Variants in ITPR1 observed in about 807,000 individuals in gnomAD.
ITPR1 encodes the protein inositol 1,4,5-trisphosphate receptor type 1.
A neutral mutation model predicts 318.4 loss-of-function variants in ITPR1; 96 were observed. The ratio of observed to expected loss-of-function variants is 0.30; its 90% CI spans 0.26 to 0.36. The LOEUF (loss-of-function observed/expected upper bound fraction) is 0.36. ITPR1 is among the 10% of genes least tolerant of loss of function. The pLI is 1.00. For missense variants in ITPR1, 2,440 were observed against 3,460.2 expected, an observed-to-expected ratio of 0.71 and a Z score of 7.40; for synonymous variants, 1,312 against 1,289.9, an observed-to-expected ratio of 1.02 and a Z score of -0.37.
rs986807240 is a variant in ITPR1 at position 4,779,921 on chromosome 3, C to A, written c.6387+276C>A. On this transcript the variant is annotated intron_variant, in intron 49 of 61. Coordinates refer to ENST00000649015, the MANE Select transcript of ITPR1 (RefSeq NM_001378452.1). The surrounding 1 kb of genome is among the most constrained non-coding windows in gnomAD (Gnocchi z 4.0). Reference sequence around the variant, plus strand: ...AAAACCGCGATTACTTTTGCACCAACCTATATGACATTGAATACGTGCTGT... The same window carrying A: ...AAAACCGCGATTACTTTTGCACCAAACTATATGACATTGAATACGTGCTGT... Among the ~76,000 whole-genome samples the A allele has an allele frequency of 1.3e-5, 2 of 151,438 alleles. No homozygotes were observed. Among genetic ancestry groups the A allele is most frequent in the African/African-American group, 4.9e-5 (2 of 41,218 alleles).
intron 7 of ITPR1, 81 bp from the exon 8 acceptor site, chr3:4,644,055 A>T: frequency 1.2e-6 from 1 of 860,130 alleles, no homozygotes; most frequent in Non-Finnish European, 1.9e-6. Flanking sequence ...ACAGACTCAT[A>T]TGTCTTCTAG....
chr3:4,622,109 CTTTT>C (rs894926425), intron 4 of ITPR1, among the ~76,000 whole-genome samples: 2 of 105,828 alleles, frequency 1.9e-5, no homozygotes, highest in African/African-American at 3.8e-5. Flanking sequence ...ACATAGTAGA[CTTTT>C]TTTTTTTTTT....
chr3:4,637,574 G>A (rs142811206), intron 5 of ITPR1, among the ~76,000 whole-genome samples: 1 of 152,342 alleles, frequency 6.6e-6, no homozygotes, highest in Non-Finnish European at 1.5e-5. Flanking sequence ...TTTTATCCTT[G>A]TGTCACTGAG....
intron 24 of ITPR1, 27 bp downstream of exon 24, chr3:4,676,828 G>A (rs1299793208): frequency 6.3e-7 from 1 of 1,578,144 alleles, no homozygotes; most frequent in Admixed American, 1.7e-5. Flanking sequence ...GCTGGGGTAG[G>A]GAGGGTATGT....
In ITPR1 at chr3:4,806,226, G is replaced by A; in HGVS notation, c.7231G>A (p.Ala2411Thr). 6.2e-7 allele frequency: 1 copy of A among 1,614,036 alleles called. No homozygotes were observed. Among genetic ancestry groups the A allele is most frequent in the Admixed American group, 1.7e-5 (1 of 60,030 alleles). Reference sequence around the variant, plus strand: ...TCATTTGTTGTATCTGGTGATCTGTGCCATGGGGCTCTTTGTCCATGAATT... The same window carrying A: ...TCATTTGTTGTATCTGGTGATCTGTACCATGGGGCTCTTTGTCCATGAATT... ...LYHLLYLVIC[A>T]MGLFVHEFFY... The change falls in exon 55 of 62, where the codon GCC (alanine) becomes ACC (threonine). Residue 2411 changes from alanine (A) to threonine (T), a missense_variant. Ala to Thr is a moderately conservative substitution (Grantham distance 58, BLOSUM62 0). Transcript: ENST00000649015.
intron 46 of ITPR1, among the ~76,000 whole-genome samples, chr3:4,770,538 A>G (rs762750685): frequency 6.6e-6 from 1 of 152,160 alleles, no homozygotes; most frequent in Non-Finnish European, 1.5e-5. Context: ...CCACAGTACC[A>G]TGTGGCTTGC....
chr3:4,750,851 TCCCCCATTGTGTAG>T (rs2044452108), intron 44 of ITPR1: 1 of 152,488 alleles, frequency 6.6e-6, no homozygotes, highest in South Asian at 2.1e-4. Flanking sequence ...AGTGCTCAGC[TCCCCCATTGTGTAG>T]CCCCGGGACA....
At chr3:4,721,190 A>ATATATATATATATT (rs901572802) in intron 40 of ITPR1, among the ~76,000 whole-genome samples, 3 of 145,150 alleles carry the variant, frequency 2.1e-5, no homozygotes, top group African/African-American at 7.8e-5. Flanking sequence ...ATATATATAT[A>ATATATATATATATT]TATATATATA....
intron 4 of ITPR1, among the ~76,000 whole-genome samples, chr3:4,527,226 G>A (rs1247167300): frequency 6.6e-6 from 1 of 152,204 alleles, no homozygotes; most frequent in Non-Finnish European, 1.5e-5. Flanking sequence ...GCCCAGGCTG[G>A]ATTGCAATTG....
intron 4 of ITPR1, among the ~76,000 whole-genome samples, chr3:4,561,039 C>G (rs1180548683): frequency 6.6e-6 from 1 of 152,140 alleles, no homozygotes; most frequent in African/African-American, 2.4e-5. Context: ...CTGGAGATGT[C>G]CATAGAACGA....
chr3:4,707,289 G>A (rs1482442574), intron 37 of ITPR1, among the ~76,000 whole-genome samples: 6 of 152,202 alleles, frequency 3.9e-5, no homozygotes, highest in South Asian at 4.1e-4. Flanking sequence ...CTTGCTTAGA[G>A]TCTTTCATGG....
chr3:4,825,644 T>C (rs1004275879), intron 60 of ITPR1: 9 of 444,056 alleles, frequency 2.0e-5, no homozygotes, highest in Admixed American at 1.7e-4. Flanking sequence ...AGGAAGCAAA[T>C]ACAGAAAGCA....
intron 30 of ITPR1, among the ~76,000 whole-genome samples, chr3:4,687,851 A>G (rs552938602): frequency 4.6e-5 from 7 of 152,318 alleles, no homozygotes; most frequent in African/African-American, 1.7e-4. Context: ...TTGGGATGAT[A>G]GAGGAGTTAC....
At chr3:4,507,590 T>C (rs569210652) in intron 2 of ITPR1, among the ~76,000 whole-genome samples, 126 of 152,348 alleles carry the variant, frequency 8.3e-4, no homozygotes, top group African/African-American at 2.8e-3. Context: ...TTGTCCTACG[T>C]TCATCTTTTT....
chr3:4,536,994 A>G (rs567634331), intron 4 of ITPR1, among the ~76,000 whole-genome samples: 1 of 152,318 alleles, frequency 6.6e-6, no homozygotes, highest in African/African-American at 2.4e-5. Context: ...TGCATGAAGG[A>G]CAGGAGTGCA....
chr3:4,845,648 T>A (rs1344667748), intron 61 of ITPR1, among the ~76,000 whole-genome samples: 1 of 134,192 alleles, frequency 7.5e-6, no homozygotes, highest in Non-Finnish European at 1.7e-5. Flanking sequence ...CTAGTTATGG[T>A]AGGTAATTTT....
At chr3:4,792,624 C>T (rs1231482878) in intron 52 of ITPR1, among the ~76,000 whole-genome samples, 4 of 152,152 alleles carry the variant, frequency 2.6e-5, no homozygotes, top group Non-Finnish European at 5.9e-5. Context: ...CCACACGGAC[C>T]TCTCCATAGG....
intron 10 of ITPR1, among the ~76,000 whole-genome samples, chr3:4,651,193 GT>G (rs1351329536): frequency 2.6e-5 from 4 of 152,162 alleles, no homozygotes; most frequent in Admixed American, 1.3e-4. Context: ...CAGACACCTT[GT>G]TTTTCTTCAT....
At chr3:4,532,349 C>G (rs888276133) in intron 4 of ITPR1, among the ~76,000 whole-genome samples, 2 of 152,126 alleles carry the variant, frequency 1.3e-5, no homozygotes, top group Non-Finnish European at 2.9e-5. Flanking sequence ...TGAGATTCTA[C>G]ATTTCTTTTT....
Sources: gnomAD v4.1 joint callset for allele counts (sites outside exome capture counted in the v4.1 genomes callset) on GRCh38, gnomAD v4.1.1 for gene constraint, Gnocchi (gnomAD v3.1) non-coding constraint, MANE v1.5 for transcripts, NCBI Gene and HGNC (gene_info 2026-07-23, HGNC 2026-07-21) for gene names.